Variants in SYNJ2 observed in about 807,000 individuals in gnomAD.
The protein encoded by SYNJ2 is synaptojanin 2.
In SYNJ2, 116 loss-of-function variants were observed where a neutral mutation model predicts 141.3. That is an observed-to-expected ratio of 0.82 (90% confidence interval 0.71 to 0.96). The LOEUF (loss-of-function observed/expected upper bound fraction) is 0.96. Among genes scored for constraint, SYNJ2 ranks in the 40% least tolerant of loss-of-function variants. The pLI is 0.00. For missense variants in SYNJ2, 1,873 were observed against 1,934.8 expected (o/e 0.97, Z 0.60); for synonymous variants, 745 against 777.7 (o/e 0.96, Z 0.70).
chr6:158,093,552 G>C (rs1783611906), intron 26 of SYNJ2, among the ~76,000 whole-genome samples: 1 of 152,150 alleles, frequency 6.6e-6, no homozygotes, highest in Non-Finnish European at 1.5e-5. Flanking sequence ...TTTGGGGAAA[G>C]TTTTGACAAC....
intron 11 of SYNJ2, among the ~76,000 whole-genome samples, chr6:158,066,102 G>A (rs928804432): frequency 9.9e-5 from 15 of 152,162 alleles, no homozygotes; most frequent in African/African-American, 3.6e-4. Context: ...CCTATGCCTT[G>A]TTCTTCTACG....
chr6:158,065,421 AGAG>A, intron 11 of SYNJ2, among the ~76,000 whole-genome samples: 1 of 152,282 alleles, frequency 6.6e-6, no homozygotes, highest in Admixed American at 6.5e-5. Flanking sequence ...CTGTGGAAAC[AGAG>A]AAGGAGGATG....
intron 1 of SYNJ2, among the ~76,000 whole-genome samples, chr6:157,986,444 C>G (rs1240393687): frequency 6.6e-6 from 1 of 152,208 alleles, no homozygotes. Flanking sequence ...AGGGATTCTC[C>G]TGCCTCAGCC....
At position 158,027,373 on chromosome 6, in the gene SYNJ2, C is replaced by T. The variant is rs971174358; in HGVS notation, c.215-1383C>T. ...TAGAGCCCTGCCAGACCCCAAAGGC[C>T]GGTTTCTACCCGATGATCTCTTGGG... is the stretch of plus-strand genomic sequence containing the variant. On this transcript the variant is annotated intron_variant, in intron 2 of 26. Transcript: ENST00000355585. This position sits in a 1 kb window ranked among gnomAD's most constrained non-coding sequence, Gnocchi z 4.6. The T allele has an allele frequency of 1.2e-5, 3 of 259,598 alleles. No homozygotes were observed. Among genetic ancestry groups the T allele is most frequent in the African/African-American group, 2.3e-5 (1 of 43,504 alleles). 16.1% of individuals were successfully genotyped at this position (259,598 alleles called of 1,614,324 possible).
In SYNJ2 at chr6:158,069,590, T is replaced by C; in HGVS notation, c.1857T>C (p.His619=). 2 of 1,614,122 alleles carry C rather than the reference T, an allele frequency of 1.2e-6. No homozygotes were observed. The highest frequency in any genetic ancestry group is 1.7e-5 in the Admixed American group (1 of 60,018). ...EQLQKAISRS[H]RYILLTSAQL... is the part of the protein sequence containing the mutation. ...TTCAGAAAGCCATCTCACGCTCTCA[T>C]AGATACATTCTGTTGACTTCGGCAC... The change falls in exon 14 of 27, where the codon CAT becomes CAC. Residue 619 remains histidine, a synonymous_variant. Coordinates refer to ENST00000355585, the MANE Select transcript of SYNJ2 (RefSeq NM_003898.4).
At chr6:157,986,471 C>T (rs927068468) in intron 1 of SYNJ2, among the ~76,000 whole-genome samples, 1 of 152,160 alleles carries the variant, frequency 6.6e-6, no homozygotes, top group Non-Finnish European at 1.5e-5. Context: ...GTAGCTGGGA[C>T]TACAGGCATG....
chr6:158,035,754 A>G (rs1217456388), intron 4 of SYNJ2, among the ~76,000 whole-genome samples: 3 of 152,174 alleles, frequency 2.0e-5, no homozygotes, highest in Non-Finnish European at 4.4e-5. Flanking sequence ...GCTTTTGCCC[A>G]TTCAGTATGG....
chr6:158,071,927 G>C lies in SYNJ2; in HGVS notation c.2133+133G>C, dbSNP rs1343786533. ...TCCTGGAGGGCTCAGCGCTGGGGGA[G>C]GGGGAGAGGGCTATGTCCCTCCATG... On this transcript the variant is annotated intron_variant, in intron 15 of 26. Coordinates refer to ENST00000355585, the MANE Select transcript of SYNJ2 (RefSeq NM_003898.4). The surrounding 1 kb of genome is among the most constrained non-coding windows in gnomAD (Gnocchi z 4.3). 7.5e-6 allele frequency: 8 copies of C among 1,070,510 alleles called. No individual in the cohort carries two copies. Among genetic ancestry groups the C allele is most frequent in the East Asian group, 2.6e-5 (1 of 38,074 alleles). The allele number at this position is 1,070,510 out of a possible 1,614,324, so 66.3% of individuals were successfully genotyped here.
intron 1 of SYNJ2, among the ~76,000 whole-genome samples, chr6:157,993,909 G>A (rs1272148085): frequency 7.2e-6 from 1 of 139,508 alleles, no homozygotes; most frequent in Admixed American, 7.9e-5. Context: ...CCGCCTCCCT[G>A]GTTCACACCA....
At chr6:158,044,439 C>G (rs531228576) in intron 5 of SYNJ2, among the ~76,000 whole-genome samples, 1 of 152,256 alleles carries the variant, frequency 6.6e-6, no homozygotes, top group Non-Finnish European at 1.5e-5. Context: ...CGTTTAGGCT[C>G]CACGCTCTGG....
Position 158,096,491 on chromosome 6 carries a change from T to G in SYNJ2, c.*127T>G. ...AACGTTTGTGCATCTGTCACTCTCG[T>G]GTAGTTTACAAAAATCGTGTCTCTT... On this transcript the variant is annotated 3_prime_UTR_variant, in exon 27 of 27. Transcript: ENST00000355585. The G allele has an allele frequency of 8.8e-7, 1 of 1,133,504 alleles. No homozygotes were observed. Among genetic ancestry groups the G allele is most frequent in the Non-Finnish European group, 1.2e-6 (1 of 825,738 alleles). 70.2% of individuals were successfully genotyped at this position (1,133,504 alleles called of 1,614,324 possible). A position where few individuals can be genotyped will look rare whatever the true frequency, so the allele number is the denominator to read the frequency against.
In SYNJ2 at chr6:158,054,972, C is replaced by G. The variant is rs755116293; in HGVS notation, c.801C>G (p.Gly267=). ...LFWEQPGLQV[G]SHHLRLHRGL... is the part of the protein sequence containing the mutation. ...GTTACTTCTCTTTGCTTTAGGTTGG[C>G]TCCCATCATCTGAGACTCCACAGAG... Residue 267 remains glycine (G), a synonymous_variant, in exon 6 of 27, where the codon GGC becomes GGG. Transcript: ENST00000355585. 5 of 1,614,066 alleles carry G rather than the reference C, an allele frequency of 3.1e-6. No homozygotes were observed. Among genetic ancestry groups the G allele is most frequent in the African/African-American group, 2.7e-5 (2 of 75,046 alleles).
rs1035008018 is a variant in SYNJ2, at chr6:158,087,136, T to G, written c.3343+147T>G. The G allele has an allele frequency of 6.3e-6, 6 of 951,828 alleles. No homozygotes were observed. In the African/African-American group the frequency reaches 9.9e-5, roughly 16 times the overall value. 59.0% of individuals were successfully genotyped at this position (951,828 alleles called of 1,614,324 possible). A position where few individuals can be genotyped will look rare whatever the true frequency, so the allele number is the denominator to read the frequency against. ...CTCCTCCTTGGGCTCCGTTTTGTTG[T>G]AAATCCAGGACACGTTTGACGTCAG... On this transcript the variant is annotated intron_variant, in intron 23 of 26. Transcript: ENST00000355585.
At chr6:157,989,457 T>C (rs940439450) in intron 1 of SYNJ2, among the ~76,000 whole-genome samples, 12 of 132,480 alleles carry the variant, frequency 9.1e-5, no homozygotes, top group Non-Finnish European at 1.5e-4. Flanking sequence ...TATATATATA[T>C]ATATATATAT....
intron 1 of SYNJ2, among the ~76,000 whole-genome samples, chr6:157,995,391 G>A (rs970081794): frequency 5.3e-5 from 8 of 152,198 alleles, no homozygotes; most frequent in African/African-American, 1.4e-4. Context: ...AGCTTCAAAG[G>A]AGCACCTTGA....
chr6:158,024,572 T>C (rs892346829), intron 2 of SYNJ2, among the ~76,000 whole-genome samples: 3 of 152,182 alleles, frequency 2.0e-5, no homozygotes, highest in African/African-American at 4.8e-5. Flanking sequence ...AAAAAATTAT[T>C]TGGCAGTGTT....
At chr6:158,058,905 C>T (rs901500038) in intron 6 of SYNJ2, among the ~76,000 whole-genome samples, 5 of 152,224 alleles carry the variant, frequency 3.3e-5, no homozygotes, top group African/African-American at 1.2e-4. Context: ...TGCACTCTAG[C>T]CTGGACAACA....
intron 1 of SYNJ2, among the ~76,000 whole-genome samples, chr6:158,009,034 G>C (rs773705935): frequency 6.6e-6 from 1 of 152,122 alleles, no homozygotes; most frequent in Non-Finnish European, 1.5e-5. Flanking sequence ...ACCTTTGCAC[G>C]TGCCCTTCTG....
At chr6:158,047,798 A>AAAAAAC in intron 5 of SYNJ2, among the ~76,000 whole-genome samples, 1 of 149,894 alleles carries the variant, frequency 6.7e-6, no homozygotes, top group Non-Finnish European at 1.5e-5. Context: ...AAAAAAAAAA[A>AAAAAAC]AAAAAAACAC....
Sources: gnomAD v4.1 joint callset for allele counts (sites outside exome capture counted in the v4.1 genomes callset) on GRCh38, gnomAD v4.1.1 for gene constraint, Gnocchi (gnomAD v3.1) non-coding constraint, MANE v1.5 for transcripts, NCBI Gene and HGNC (gene_info 2026-07-23, HGNC 2026-07-21) for gene names.